Variants in PARD3B observed in about 807,000 individuals in gnomAD.
PARD3B encodes par-3 family cell polarity regulator beta.
PARD3B carries 103 observed loss-of-function variants against 130.2 expected under a neutral mutation model. The ratio of observed to expected loss-of-function variants is 0.79; its 90% CI spans 0.67 to 0.93. PARD3B has a LOEUF of 0.93. Ranked by LOEUF, PARD3B falls within the 40% of genes least tolerant of loss-of-function variation. PARD3B has a pLI of 0.00. For synonymous variants in PARD3B, 583 were observed against 553.2 expected (o/e 1.05, Z -0.76); for missense variants, 1,609 against 1,499.2 (o/e 1.07, Z -1.21).
chr2:205,081,187 C>G (rs1054399249), intron 4 of PARD3B, among the ~76,000 whole-genome samples: 1 of 151,962 alleles, frequency 6.6e-6, no homozygotes, highest in Non-Finnish European at 1.5e-5. Flanking sequence ...ATATATCTTT[C>G]CCTATTCCCA....
rs186700523 is a variant in PARD3B, at chr2:205,151,780, T to C, written c.1435-6942T>C. On this transcript the variant is annotated intron_variant, in intron 10 of 22. Transcript: ENST00000406610. ...TTTACATTTAAGGTTAATATTGTTA[T>C]GTGTGAATTTGATCCTGTCATTATG... is the stretch of plus-strand genomic sequence containing the variant. 3.7e-3 allele frequency among the ~76,000 whole-genome samples: 567 copies of C among 152,298 alleles called. 4 individuals are homozygous for C. Among genetic ancestry groups the C allele is most frequent in the African/African-American group, 0.013 (550 of 41,544 alleles).
At chr2:205,299,561 T>TTA (rs1289898796) in intron 16 of PARD3B, among the ~76,000 whole-genome samples, 34 of 17,238 alleles carry the variant, frequency 2.0e-3, no homozygotes, top group African/African-American at 3.3e-3. Flanking sequence ...ATATTATATA[T>TTA]TATATATATA....
At chr2:204,629,235 T>A (rs1051297021) in intron 1 of PARD3B, among the ~76,000 whole-genome samples, 1 of 152,180 alleles carries the variant, frequency 6.6e-6, no homozygotes, top group Non-Finnish European at 1.5e-5. Flanking sequence ...AAAGATGACA[T>A]CCTTTGAAAA....
intron 15 of PARD3B, among the ~76,000 whole-genome samples, chr2:205,221,416 C>T (rs2038231426): frequency 1.3e-5 from 2 of 152,180 alleles, no homozygotes; most frequent in South Asian, 4.1e-4. Flanking sequence ...TTTTAGCTGA[C>T]TGCACACAGT....
chr2:205,447,972 A>G (rs556824480), intron 20 of PARD3B, among the ~76,000 whole-genome samples: 1 of 152,318 alleles, frequency 6.6e-6, no homozygotes, highest in African/African-American at 2.4e-5. Context: ...AGGTATTTAA[A>G]GTGACTGCTA....
intron 22 of PARD3B, among the ~76,000 whole-genome samples, chr2:205,583,508 G>A (rs2054080415): frequency 6.6e-6 from 1 of 152,080 alleles, no homozygotes; most frequent in Non-Finnish European, 1.5e-5. Flanking sequence ...GAGGATGAAA[G>A]CAGCTGATAG....
In PARD3B at chr2:205,161,232, T is replaced by A. The variant is rs190267939; in HGVS notation, c.1620+2325T>A. ...ATATGTATATCCATGTTTGTGTAAG[T>A]GAGCATCTCCTTACCTAAGCAGTTT... On this transcript the variant is annotated intron_variant, in intron 11 of 22. Coordinates refer to ENST00000406610, the MANE Select transcript of PARD3B (RefSeq NM_001302769.2). 1.2e-4 allele frequency among the ~76,000 whole-genome samples: 18 copies of A among 152,328 alleles called. No individual in the cohort carries two copies. The East Asian group carries it at 3.5e-3, about 29-fold the overall frequency.
intron 18 of PARD3B, among the ~76,000 whole-genome samples, chr2:205,310,569 A>G (rs2042345156): frequency 1.3e-5 from 2 of 151,940 alleles, no homozygotes; most frequent in African/African-American, 4.8e-5. Flanking sequence ...TACACCTCAC[A>G]TATAAGTGAG....
rs114234331 is a variant in PARD3B, at chr2:205,054,697, A to G, written c.504+7007A>G. Among the ~76,000 whole-genome samples, 822 of 151,798 alleles carry G rather than the reference A, an allele frequency of 5.4e-3. 6 individuals carry two copies. The highest frequency in any genetic ancestry group is 0.018 in the African/African-American group (766 of 41,410). On this transcript the variant is annotated intron_variant, in intron 4 of 22. Transcript: ENST00000406610. Reference sequence around the variant, plus strand: ...CTGAATGGGTTTTGTTTTCATGTCAAAATAAATTGACTAATCCCTTAGATG... The same window carrying G: ...CTGAATGGGTTTTGTTTTCATGTCAGAATAAATTGACTAATCCCTTAGATG...
intron 2 of PARD3B, among the ~76,000 whole-genome samples, chr2:204,739,699 A>T (rs2125359576): frequency 6.6e-6 from 1 of 152,194 alleles, no homozygotes; most frequent in East Asian, 1.9e-4. Flanking sequence ...CCTGGCCTCA[A>T]GTGATGCTCC....
chr2:205,466,535 T>G (rs1234816506), intron 20 of PARD3B, among the ~76,000 whole-genome samples: 1 of 152,210 alleles, frequency 6.6e-6, no homozygotes, highest in Non-Finnish European at 1.5e-5. Context: ...TTTCCTCAAG[T>G]GCTGCTACGA....
At chr2:205,523,333 C>T (rs1324602672) in intron 21 of PARD3B, among the ~76,000 whole-genome samples, 2 of 151,210 alleles carry the variant, frequency 1.3e-5, no homozygotes, top group Admixed American at 6.6e-5. Context: ...CAACCTCCGC[C>T]TCCCAGGTTC....
At chr2:204,767,260 T>C (rs1166066553) in intron 2 of PARD3B, among the ~76,000 whole-genome samples, 1 of 39,342 alleles carries the variant, frequency 2.5e-5, no homozygotes, top group Non-Finnish European at 5.1e-5. Flanking sequence ...TTTGGTTTTT[T>C]GTTCTTGCGA....
At chr2:204,956,720 T>C (rs746676995) in intron 2 of PARD3B, among the ~76,000 whole-genome samples, 2 of 152,196 alleles carry the variant, frequency 1.3e-5, no homozygotes, top group African/African-American at 2.4e-5. Context: ...TTCCAGACAG[T>C]TTAACTCAAG....
rs1424743546 is a variant in PARD3B at position 205,440,107 on chromosome 2, A to T, written c.2742-263A>T. On this transcript the variant is annotated intron_variant, in intron 19 of 22. Coordinates refer to ENST00000406610, the MANE Select transcript of PARD3B (RefSeq NM_001302769.2). This position sits in a 1 kb window ranked among gnomAD's most constrained non-coding sequence, Gnocchi z 4.2. Reference sequence around the variant, plus strand: ...GTGAATGAAAACAGCCTCTGAAGCTACTATCAGCCTAGTCATCAGTGGGCA... The same window carrying T: ...GTGAATGAAAACAGCCTCTGAAGCTTCTATCAGCCTAGTCATCAGTGGGCA... Among the ~76,000 whole-genome samples, 2 of 152,204 alleles carry T rather than the reference A, an allele frequency of 1.3e-5. No individual in the cohort carries two copies. Among genetic ancestry groups the T allele is most frequent in the Non-Finnish European group, 2.9e-5 (2 of 68,040 alleles).
intron 2 of PARD3B, among the ~76,000 whole-genome samples, chr2:204,706,332 A>G (rs1472567631): frequency 1.3e-5 from 2 of 151,014 alleles, no homozygotes; most frequent in Non-Finnish European, 1.5e-5. Flanking sequence ...GCACCACTGC[A>G]CTCCAGCCTG....
intron 2 of PARD3B, among the ~76,000 whole-genome samples, chr2:204,735,497 G>A (rs62177842): frequency 1.0e-3 from 159 of 152,096 alleles, no homozygotes; most frequent in Non-Finnish European, 1.8e-3. Context: ...CATTCTACAA[G>A]GCAATTGACT....
At chr2:205,490,952 G>C (rs891500219) in intron 20 of PARD3B, among the ~76,000 whole-genome samples, 7 of 152,004 alleles carry the variant, frequency 4.6e-5, no homozygotes, top group African/African-American at 1.7e-4. Flanking sequence ...CTTTTTGATG[G>C]GGTTGTTTTT....
In PARD3B at chr2:205,121,726, GA is replaced by G. The variant is rs1273457104; in HGVS notation, c.946del (p.Thr316ProfsTer13). ...NIFGNNDGVL[K>X]TKVPPPVHGK... is the part of the protein sequence containing the mutation. ...TTTTTGGTAATAATGATGGCGTTTTGAAAACCAAAGTGCCGCCTCCTGTCCA... is the reference window on the plus strand; with the variant it reads ...TTTTTGGTAATAATGATGGCGTTTTGAAACCAAAGTGCCGCCTCCTGTCCA... On this transcript the variant is annotated frameshift_variant, in exon 8 of 23. Coordinates refer to ENST00000406610, the MANE Select transcript of PARD3B (RefSeq NM_001302769.2). LOFTEE classifies it high-confidence loss of function. This position sits in a 1 kb window ranked among gnomAD's most constrained non-coding sequence, Gnocchi z 5.0. 1 of 1,613,972 alleles carries G rather than the reference GA, an allele frequency of 6.2e-7. No individual in the cohort carries two copies. The highest frequency in any genetic ancestry group is 8.5e-7 in the Non-Finnish European group (1 of 1,180,024).
Sources: gnomAD v4.1 joint callset for allele counts (sites outside exome capture counted in the v4.1 genomes callset) on GRCh38, gnomAD v4.1.1 for gene constraint, Gnocchi (gnomAD v3.1) non-coding constraint, MANE v1.5 for transcripts, NCBI Gene and HGNC (gene_info 2026-07-23, HGNC 2026-07-21) for gene names.